GNA14: variants seen among roughly 807,000 people sequenced by gnomAD.
GNA14 encodes the protein G protein subunit alpha 14, also known as guanine nucleotide-binding protein subunit alpha-14.
In GNA14, 50 loss-of-function variants were observed where a neutral mutation model predicts 42.0. That is an observed-to-expected ratio of 1.19 (90% CI 0.95 to 1.51). The LOEUF is 1.51. Among genes scored for constraint, GNA14 ranks in the 40% most tolerant of loss-of-function variants. The pLI is 0.00. For synonymous variants in GNA14, 173 were observed against 163.1 expected, an observed-to-expected ratio of 1.06 and a Z score of -0.46; for missense variants, 473 against 446.2, an observed-to-expected ratio of 1.06 and a Z score of -0.54.
chr9:77,468,312 G>C (rs567152829), intron 2 of GNA14, among the ~76,000 whole-genome samples: 11 of 152,262 alleles, frequency 7.2e-5, no homozygotes, highest in South Asian at 6.2e-4. Context: ...TAGAGGCTTC[G>C]AATAGTTGTT....
rs763098068 is a variant in GNA14, at chr9:77,498,389, GA to G, written c.309+30679del. ...AGTCTGTCTCAAAAAAAAAAAAAAA[GA>G]AAAAAAAGAAAAAGAAAACAAGCTG... On this transcript the variant is annotated intron_variant, in intron 2 of 6. Coordinates refer to ENST00000341700, the MANE Select transcript of GNA14 (RefSeq NM_004297.4). Among the ~76,000 whole-genome samples the G allele has an allele frequency of 3.1e-4, 38 of 122,036 alleles. 1 individual carries two copies. The East Asian group carries it at 0.01, about 33-fold the overall frequency. The allele number at this position is 122,036 out of a possible 152,430, so 80.1% of individuals were successfully genotyped here. A position where few individuals can be genotyped will look rare whatever the true frequency, so the allele number is the denominator to read the frequency against.
At chr9:77,607,733 G>T (rs574275966) in intron 1 of GNA14, among the ~76,000 whole-genome samples, 1 of 152,024 alleles carries the variant, frequency 6.6e-6, no homozygotes, top group East Asian at 1.9e-4. Flanking sequence ...CAAGATTTTC[G>T]CCAACAATTT....
chr9:77,444,077 A>G (rs992168730), intron 2 of GNA14, among the ~76,000 whole-genome samples: 5 of 152,244 alleles, frequency 3.3e-5, no homozygotes, highest in African/African-American at 1.2e-4. Flanking sequence ...ATGAGTGTGA[A>G]TAATGCAGTT....
At chr9:77,476,504 T>C (rs1836426050) in intron 2 of GNA14, among the ~76,000 whole-genome samples, 1 of 152,094 alleles carries the variant, frequency 6.6e-6, no homozygotes. Flanking sequence ...AGGGTCCACA[T>C]ATAGAAACAT....
intron 1 of GNA14, among the ~76,000 whole-genome samples, chr9:77,539,554 A>G (rs371108717): frequency 6.6e-6 from 1 of 152,146 alleles, no homozygotes; most frequent in Non-Finnish European, 1.5e-5. Context: ...CTCCTCTTCA[A>G]TCTTTTGGAA....
At chr9:77,535,770 C>T in intron 1 of GNA14, among the ~76,000 whole-genome samples, 1 of 152,124 alleles carries the variant, frequency 6.6e-6, no homozygotes, top group East Asian at 1.9e-4. Context: ...TTGGATGCAC[C>T]CGGTCCACAG....
chr9:77,581,278 A>T (rs1823220023), intron 1 of GNA14, among the ~76,000 whole-genome samples: 1 of 152,162 alleles, frequency 6.6e-6, no homozygotes, highest in South Asian at 2.1e-4. Context: ...TGTAAGAATT[A>T]TGTTTGGAAT....
At chr9:77,519,568 T>C (rs2131758831) in intron 2 of GNA14, among the ~76,000 whole-genome samples, 1 of 152,338 alleles carries the variant, frequency 6.6e-6, no homozygotes, top group East Asian at 1.9e-4. Context: ...AAATAATTCA[T>C]GTTCTCACTT....
intron 1 of GNA14, among the ~76,000 whole-genome samples, chr9:77,534,894 G>A (rs1837575250): frequency 6.6e-6 from 1 of 152,146 alleles, no homozygotes; most frequent in Non-Finnish European, 1.5e-5. Flanking sequence ...GCAACAAGGA[G>A]GTGGATTTCC....
intron 2 of GNA14, among the ~76,000 whole-genome samples, chr9:77,455,492 CA>C (rs1418380838): frequency 6.6e-6 from 1 of 152,212 alleles, no homozygotes; most frequent in Non-Finnish European, 1.5e-5. Flanking sequence ...AGAGATTATG[CA>C]GGACGTGTAC....
chr9:77,477,165 G>A (rs1836444386), intron 2 of GNA14, among the ~76,000 whole-genome samples: 2 of 151,988 alleles, frequency 1.3e-5, no homozygotes, highest in South Asian at 2.1e-4. Flanking sequence ...GAGACGAGCC[G>A]AGGCAACATG....
chr9:77,648,202 G>A lies in GNA14; in HGVS notation c.-409C>T, dbSNP rs1166144762. On this transcript the variant is annotated 5_prime_UTR_variant, in exon 1 of 7. Transcript: ENST00000341700. Reference sequence around the variant, plus strand: ...CTCGGGGGAGAGTAGGATCTCCTGGGCCTAGGGGTGTCCCCAGGCGGGAGG... The same window carrying A: ...CTCGGGGGAGAGTAGGATCTCCTGGACCTAGGGGTGTCCCCAGGCGGGAGG... The A allele has an allele frequency of 1.2e-5, 3 of 250,436 alleles. No individual in the cohort carries two copies. Among genetic ancestry groups the A allele is most frequent in the Non-Finnish European group, 2.3e-5 (3 of 130,148 alleles). The allele number at this position is 250,436 out of a possible 1,614,324, so 15.5% of individuals were successfully genotyped here.
chr9:77,431,171 A>G, intron 4 of GNA14, 150 bp downstream of exon 4: 1 of 678,780 alleles, frequency 1.5e-6, no homozygotes, highest in Non-Finnish European at 2.4e-6. Flanking sequence ...GTTGAGACCT[A>G]CCTACCACAA....
In GNA14 at chr9:77,603,175, T is replaced by C. The variant is rs535292179; in HGVS notation, c.124+44495A>G. Among the ~76,000 whole-genome samples, 4 of 152,322 alleles carry C rather than the reference T, an allele frequency of 2.6e-5. No individual in the cohort carries two copies. The East Asian group carries it at 7.7e-4, about 29-fold the overall frequency. ...CTTCTTTCATGAACAATTATGTTTATATTAAAACCAGAGATCATCTCCTAC... is the reference window on the plus strand; with the variant it reads ...CTTCTTTCATGAACAATTATGTTTACATTAAAACCAGAGATCATCTCCTAC... On this transcript the variant is annotated intron_variant, in intron 1 of 6. Transcript: ENST00000341700.
At chr9:77,551,687 G>C (rs1837788814) in intron 1 of GNA14, among the ~76,000 whole-genome samples, 1 of 151,854 alleles carries the variant, frequency 6.6e-6, no homozygotes, top group Admixed American at 6.6e-5. Flanking sequence ...TACTAGATCT[G>C]AGCAGCATCT....
chr9:77,522,739 C>A (rs1323816970), intron 2 of GNA14, among the ~76,000 whole-genome samples: 1 of 152,142 alleles, frequency 6.6e-6, no homozygotes, highest in Non-Finnish European at 1.5e-5. Flanking sequence ...GGGGGTGATA[C>A]TCTTGGCATT....
intron 2 of GNA14, among the ~76,000 whole-genome samples, chr9:77,479,380 A>G (rs571187809): frequency 2.2e-4 from 33 of 152,132 alleles, no homozygotes; most frequent in African/African-American, 7.5e-4. Context: ...CCATTGATCT[A>G]TATCTCTGTT....
intron 2 of GNA14, among the ~76,000 whole-genome samples, chr9:77,456,917 G>A (rs7032444): frequency 2.6e-5 from 4 of 152,218 alleles, no homozygotes; most frequent in Admixed American, 2.0e-4. Flanking sequence ...CACAGCTGAC[G>A]AGTTTACGTA....
chr9:77,438,497 A>G (rs540006161), intron 2 of GNA14, among the ~76,000 whole-genome samples: 1 of 151,770 alleles, frequency 6.6e-6, no homozygotes, highest in African/African-American at 2.4e-5. Context: ...TGAACTCCTG[A>G]CTTCAAGTGA....
Sources: gnomAD v4.1 joint callset for allele counts (sites outside exome capture counted in the v4.1 genomes callset) on GRCh38, gnomAD v4.1.1 for gene constraint, MANE v1.5 for transcripts, NCBI Gene and HGNC (gene_info 2026-07-23, HGNC 2026-07-21) for gene names.